The following SLC14A2 variants were observed in gnomAD, a reference collection of about 807,000 sequenced individuals.
SLC14A2 encodes urea transporter 2.
Under a neutral mutation model 104.6 loss-of-function variants are expected in SLC14A2, and 91 were observed. That is an observed-to-expected ratio of 0.87 (90% CI 0.73 to 1.04). SLC14A2 has a LOEUF of 1.04. SLC14A2 is among the 50% of genes least tolerant of loss of function. The pLI, the probability that SLC14A2 is intolerant of heterozygous loss-of-function variation, is 0.00. For synonymous variants in SLC14A2, 476 were observed against 466.4 expected (o/e 1.02, Z -0.27); for missense variants, 1,189 against 1,156.0 (o/e 1.03, Z -0.41).
intron 1 of SLC14A2, among the ~76,000 whole-genome samples, chr18:45,247,426 A>G (rs1234406334): frequency 1.3e-5 from 2 of 152,236 alleles, no homozygotes; most frequent in Admixed American, 6.5e-5. Flanking sequence ...GCCTGGACCT[A>G]TGACCTAAAC....
intron 1 of SLC14A2, among the ~76,000 whole-genome samples, chr18:45,305,751 C>T (rs1009147014): frequency 3.3e-5 from 5 of 152,120 alleles, no homozygotes; most frequent in African/African-American, 4.8e-5. Context: ...TGTTCGGAAA[C>T]CATAAAACTG....
intron 1 of SLC14A2, among the ~76,000 whole-genome samples, chr18:45,400,982 G>C (rs1413875820): frequency 6.6e-6 from 1 of 152,100 alleles, no homozygotes; most frequent in African/African-American, 2.4e-5. Flanking sequence ...CTCTGCCTTA[G>C]CTCTGTAGTC....
chr18:45,197,797 G>A, the SLC14A2 span, among the ~76,000 whole-genome samples: 1 of 152,120 alleles, frequency 6.6e-6, no homozygotes, highest in Non-Finnish European at 1.5e-5. Flanking sequence ...ATCTGTTTGG[G>A]GAAATTATTC....
In SLC14A2 at chr18:45,651,961, A is replaced by G. The variant is rs533436555; in HGVS notation, c.1351+7801A>G. On this transcript the variant is annotated intron_variant, in intron 10 of 19. Transcript: ENST00000255226. ...TCCTTCCCATCACTCTCCTCTCTGA[A>G]GGGACTCTCTTTCTGGTCAACCCTC... Among the ~76,000 whole-genome samples, 5 of 152,330 alleles carry G rather than the reference A, an allele frequency of 3.3e-5. 1 individual carries two copies. Among genetic ancestry groups the G allele is most frequent in the Admixed American group, 3.3e-4 (5 of 15,304 alleles).
chr18:45,643,218 C>T (rs766935680), intron 9 of SLC14A2, 37 bp downstream of exon 9: 51 of 1,587,512 alleles, frequency 3.2e-5, no homozygotes, highest in Admixed American at 1.7e-4. Flanking sequence ...CCCCAAAGTG[C>T]TCTTCCCAGA....
chr18:45,602,614 T>G (rs2044808349), intron 2 of SLC14A2, among the ~76,000 whole-genome samples: 1 of 152,198 alleles, frequency 6.6e-6, no homozygotes, highest in Non-Finnish European at 1.5e-5. Flanking sequence ...ATGACTGTGA[T>G]GGGGCAAAGA....
chr18:45,223,984 T>A (rs1013647183), intron 1 of SLC14A2, among the ~76,000 whole-genome samples: 15 of 152,210 alleles, frequency 9.9e-5, no homozygotes, highest in African/African-American at 2.9e-4. Flanking sequence ...TTTATTCCCC[T>A]CCAATTCCTT....
At chr18:45,611,530 T>C (rs1218360600), upstream of SLC14A2, among the ~76,000 whole-genome samples, 1 of 152,142 alleles carries the variant, frequency 6.6e-6, no homozygotes, top group Non-Finnish European at 1.5e-5. Flanking sequence ...CTTCACACCA[T>C]GGCACAGCAC....
the SLC14A2 span, among the ~76,000 whole-genome samples, chr18:45,196,820 G>A: frequency 2.0e-5 from 3 of 152,344 alleles, no homozygotes; most frequent in South Asian, 6.2e-4. Context: ...TTCTCAAAGG[G>A]CTTTTCCATT....
At chr18:45,345,142 C>T (rs1019486113) in intron 1 of SLC14A2, among the ~76,000 whole-genome samples, 2 of 152,120 alleles carry the variant, frequency 1.3e-5, no homozygotes, top group African/African-American at 2.4e-5. Context: ...ATGTCAGTAC[C>T]TTTCACTTTG....
intron 1 of SLC14A2, among the ~76,000 whole-genome samples, chr18:45,244,493 G>T (rs576020936): frequency 2.0e-5 from 3 of 152,102 alleles, no homozygotes; most frequent in Non-Finnish European, 4.4e-5. Flanking sequence ...CGGGCGTGGT[G>T]GCACACCCTG....
intron 18 of SLC14A2, among the ~76,000 whole-genome samples, chr18:45,676,469 C>T (rs1485626116): frequency 1.3e-5 from 2 of 151,810 alleles, no homozygotes; most frequent in African/African-American, 4.9e-5. Flanking sequence ...TCATGTTTAA[C>T]AAACAAATCT....
At chr18:45,197,020 G>T in the SLC14A2 span, among the ~76,000 whole-genome samples, 1 of 152,200 alleles carries the variant, frequency 6.6e-6, no homozygotes, top group African/African-American at 2.4e-5. Flanking sequence ...CGAAGGATGT[G>T]CTGGCTTCAG....
chr18:45,439,432 G>A (rs986317236), intron 1 of SLC14A2, among the ~76,000 whole-genome samples: 2 of 141,996 alleles, frequency 1.4e-5, no homozygotes, highest in African/African-American at 2.6e-5. Flanking sequence ...CTCATGCTAT[G>A]TATATATTCT....
chr18:45,562,131 C>T (rs564809148), intron 2 of SLC14A2, among the ~76,000 whole-genome samples: 1 of 152,340 alleles, frequency 6.6e-6, no homozygotes, highest in African/African-American at 2.4e-5. Flanking sequence ...ACACCTCCAT[C>T]GGGTGCACAA....
At chr18:45,679,813 C>G (rs377640375) in intron 19 of SLC14A2, among the ~76,000 whole-genome samples, 1 of 152,142 alleles carries the variant, frequency 6.6e-6, no homozygotes, top group African/African-American at 2.4e-5. Context: ...GATACTATCC[C>G]GTCTTCCCCA....
At chr18:45,183,213 C>T in the SLC14A2 span, among the ~76,000 whole-genome samples, 1 of 152,174 alleles carries the variant, frequency 6.6e-6, no homozygotes, top group Admixed American at 6.5e-5. Flanking sequence ...CACCCTTCAG[C>T]TTCTTGCTGA....
At chr18:45,507,284 G>C (rs1311708405) in intron 2 of SLC14A2, 1 of 152,502 alleles carries the variant, frequency 6.6e-6, no homozygotes, top group African/African-American at 2.4e-5. Context: ...AGTTGGGAGA[G>C]CATTGATGAC....
chr18:45,487,541 T>C (rs527683553), intron 2 of SLC14A2, among the ~76,000 whole-genome samples: 2 of 152,262 alleles, frequency 1.3e-5, no homozygotes, highest in East Asian at 1.9e-4. Context: ...AGAGAGTTGG[T>C]TGGTTGAGCA....
Sources: allele counts gnomAD v4.1 joint callset (sites outside exome capture counted in the v4.1 genomes callset), GRCh38; gene constraint gnomAD v4.1.1; transcripts MANE v1.5; gene names NCBI Gene and HGNC (gene_info 2026-07-23, HGNC 2026-07-21).